The following SEPTIN10 variants were observed in gnomAD, a reference collection of about 807,000 sequenced individuals.
SEPTIN10 encodes the protein septin-10.
SEPTIN10 carries 66 observed loss-of-function variants against 54.8 expected under a neutral mutation model. The observed-to-expected ratio is 1.21, with a 90% confidence interval of 0.99 to 1.48. SEPTIN10 has a LOEUF of 1.48. Ranked by LOEUF, SEPTIN10 falls within the 40% of genes most tolerant of loss-of-function variation. The pLI is 0.00. For missense variants in SEPTIN10, 620 were observed against 545.6 expected (o/e 1.14, Z -1.36); for synonymous variants, 161 against 181.0 (o/e 0.89, Z 0.89).
chr2:109,587,641 T>C (rs532609994), intron 2 of SEPTIN10, among the ~76,000 whole-genome samples: 1 of 152,224 alleles, frequency 6.6e-6, no homozygotes, highest in African/African-American at 2.4e-5. Context: ...AGGCCTGGTG[T>C]GGTGGCTCAC....
rs1699879297 is a variant in SEPTIN10 at position 109,613,914 on chromosome 2, G to A, written c.-87C>T. The A allele has an allele frequency of 1.6e-6, 2 of 1,226,430 alleles. No individual in the cohort carries two copies. The highest frequency in any genetic ancestry group is 2.0e-6 in the Non-Finnish European group (2 of 984,570). 76.0% of individuals were successfully genotyped at this position (1,226,430 alleles called of 1,614,324 possible). ...GCGACGGCGGCGGGAAGGCCGGAGG[G>A]CAGAAGCAACGGGCGGGGCGCGAGG... On this transcript the variant is annotated 5_prime_UTR_variant, in exon 1 of 11. Coordinates refer to ENST00000397712, the MANE Select transcript of SEPTIN10 (RefSeq NM_144710.5).
intron 7 of SEPTIN10, 91 bp from the exon 8 acceptor site, chr2:109,564,625 C>T (rs1686528203): frequency 8.0e-6 from 9 of 1,118,628 alleles, no homozygotes; most frequent in Admixed American, 6.4e-5. Context: ...TAAATGAAAA[C>T]ATGTGAAACA....
At chr2:109,588,068 A>G (rs889964275) in intron 2 of SEPTIN10, among the ~76,000 whole-genome samples, 1 of 152,108 alleles carries the variant, frequency 6.6e-6, no homozygotes, top group African/African-American at 2.4e-5. Context: ...AACAATGCAA[A>G]CCAGAAGACA....
chr2:109,574,419 T>A (rs1689106541), intron 5 of SEPTIN10, among the ~76,000 whole-genome samples, 162 bp downstream of exon 5: 1 of 130,248 alleles, frequency 7.7e-6, no homozygotes, highest in Admixed American at 9.7e-5. Context: ...ACCTCCAGCC[T>A]GGGTGACAGA....
chr2:109,591,339 G>A (rs1321017371), intron 2 of SEPTIN10, among the ~76,000 whole-genome samples: 2 of 152,090 alleles, frequency 1.3e-5, no homozygotes, highest in Non-Finnish European at 2.9e-5. Flanking sequence ...CTGGAAAAAA[G>A]CATTTCAAAA....
Position 109,613,856 on chromosome 2 carries a change from C to A in SEPTIN10, c.-29G>T. 2 of 1,233,678 alleles carry A rather than the reference C, an allele frequency of 1.6e-6. No homozygotes were observed. Among genetic ancestry groups the A allele is most frequent in the Non-Finnish European group, 2.0e-6 (2 of 989,688 alleles). 76.4% of individuals were successfully genotyped at this position (1,233,678 alleles called of 1,614,324 possible). A position where few individuals can be genotyped will look rare whatever the true frequency, so the allele number is the denominator to read the frequency against. On this transcript the variant is annotated 5_prime_UTR_variant, in exon 1 of 11. Transcript: ENST00000397712. Reference sequence around the variant, plus strand: ...CGCGGGCAGGGGCACGGTGAAGCGGCTGTATCAGCCCGGCCCCGAGCGGCT... The same window carrying A: ...CGCGGGCAGGGGCACGGTGAAGCGGATGTATCAGCCCGGCCCCGAGCGGCT...
intron 5 of SEPTIN10, among the ~76,000 whole-genome samples, chr2:109,571,156 G>T (rs1291223333): frequency 6.6e-6 from 1 of 152,094 alleles, no homozygotes; most frequent in Non-Finnish European, 1.5e-5. Context: ...CTTCCGCCAT[G>T]GTTTTAAATT....
intron 2 of SEPTIN10, among the ~76,000 whole-genome samples, chr2:109,590,145 G>A (rs919809260): frequency 1.2e-4 from 18 of 150,304 alleles, no homozygotes; most frequent in African/African-American, 3.2e-4. Flanking sequence ...TAAATATCTC[G>A]AAGGGTAATG....
intron 1 of SEPTIN10, among the ~76,000 whole-genome samples, chr2:109,594,433 A>C (rs753926192): frequency 6.6e-6 from 1 of 152,046 alleles, no homozygotes; most frequent in Non-Finnish European, 1.5e-5. Flanking sequence ...TCCTTTGTTT[A>C]TATAAATGGT....
chr2:109,589,077 C>T (rs1267831640), intron 2 of SEPTIN10, among the ~76,000 whole-genome samples: 7 of 151,562 alleles, frequency 4.6e-5, no homozygotes, highest in Admixed American at 4.6e-4. Context: ...ATTATAGGCG[C>T]CACCACGCCT....
chr2:109,575,305 A>C (rs1337081801), intron 4 of SEPTIN10, among the ~76,000 whole-genome samples: 1 of 152,246 alleles, frequency 6.6e-6, no homozygotes, highest in East Asian at 1.9e-4. Context: ...TCAATAACTC[A>C]AAAGACATTT....
intron 2 of SEPTIN10, among the ~76,000 whole-genome samples, chr2:109,589,153 T>G (rs1022613771): frequency 6.6e-6 from 1 of 152,088 alleles, no homozygotes; most frequent in East Asian, 1.9e-4. Context: ...TTTTTGTTTT[T>G]CTTTTTTGAG....
At chr2:109,591,527 T>C (rs922209521) in intron 2 of SEPTIN10, among the ~76,000 whole-genome samples, 38 of 152,154 alleles carry the variant, frequency 2.5e-4, no homozygotes, top group Admixed American at 7.9e-4. Flanking sequence ...GTTAGTACCA[T>C]TGATATATGG....
chr2:109,579,141 T>G (rs1023789534), intron 4 of SEPTIN10, among the ~76,000 whole-genome samples: 1 of 152,162 alleles, frequency 6.6e-6, no homozygotes, highest in Non-Finnish European at 1.5e-5. Flanking sequence ...TAAGAGTACA[T>G]TATCAATATA....
At chr2:109,577,101 C>T (rs1257544075) in intron 4 of SEPTIN10, among the ~76,000 whole-genome samples, 1 of 151,844 alleles carries the variant, frequency 6.6e-6, no homozygotes, top group Non-Finnish European at 1.5e-5. Context: ...AGGAGAGGAC[C>T]CTTAAGGGAG....
At chr2:109,593,917 T>C (rs1416945927) in intron 1 of SEPTIN10, among the ~76,000 whole-genome samples, 3 of 152,210 alleles carry the variant, frequency 2.0e-5, no homozygotes, top group African/African-American at 7.2e-5. Flanking sequence ...TGCTAGCTCA[T>C]TAAGTTTATT....
intron 1 of SEPTIN10, among the ~76,000 whole-genome samples, chr2:109,612,115 A>G (rs368701413): frequency 6.6e-6 from 1 of 152,170 alleles, no homozygotes; most frequent in African/African-American, 2.4e-5. Flanking sequence ...CAATCATACC[A>G]TGGAATACTA....
intron 7 of SEPTIN10, 122 bp from the exon 8 acceptor site, chr2:109,564,656 T>G (rs1263743223): frequency 1.2e-6 from 1 of 828,546 alleles, no homozygotes; most frequent in African/African-American, 1.7e-5. Flanking sequence ...AATGATCAGT[T>G]TGATTAACAG....
At chr2:109,548,775 CAAAAAA>C (rs57096452) in intron 9 of SEPTIN10, among the ~76,000 whole-genome samples, 1 of 63,542 alleles carries the variant, frequency 1.6e-5, no homozygotes, top group Non-Finnish European at 3.0e-5. Context: ...GGCTCCATCT[CAAAAAA>C]AAAAAAAAAA....
Sources: gnomAD v4.1 joint callset for allele counts (sites outside exome capture counted in the v4.1 genomes callset) on GRCh38, gnomAD v4.1.1 for gene constraint, MANE v1.5 for transcripts, NCBI Gene and HGNC (gene_info 2026-07-23, HGNC 2026-07-21) for gene names.